Variants in ADD2 observed in about 807,000 individuals in gnomAD.
ADD2 encodes adducin 2, also known as beta-adducin.
Under a neutral mutation model 83.0 loss-of-function variants are expected in ADD2, and 23 were observed. The observed-to-expected ratio is 0.28, with a 90% CI of 0.20 to 0.39. ADD2 has a LOEUF of 0.39. Ranked by LOEUF, ADD2 falls within the 10% of genes least tolerant of loss-of-function variation. The pLI is 1.00. For synonymous variants in ADD2, 375 were observed against 375.4 expected (o/e 1.00, Z 0.01); for missense variants, 758 against 944.9 (o/e 0.80, Z 2.59).
At chr2:70,755,778 C>T (rs904515545) in intron 1 of ADD2, among the ~76,000 whole-genome samples, 3 of 152,172 alleles carry the variant, frequency 2.0e-5, no homozygotes, top group Non-Finnish European at 2.9e-5. Context: ...AAAATGTTTA[C>T]GGCCGGGCAC....
intron 5 of ADD2, 26 bp downstream of exon 5, chr2:70,696,219 A>G (rs1553372634): frequency 6.2e-7 from 1 of 1,603,714 alleles, no homozygotes; most frequent in Admixed American, 1.7e-5. Flanking sequence ...GCAGTGCCCC[A>G]CCCAATTCCA....
intron 15 of ADD2, among the ~76,000 whole-genome samples, chr2:70,668,163 C>T (rs1329879134): frequency 6.6e-6 from 1 of 152,200 alleles, no homozygotes; most frequent in Non-Finnish European, 1.5e-5. Context: ...AGCCTGGAGA[C>T]AACATACTCT....
At chr2:70,704,529 A>T in intron 3 of ADD2, 70 bp from the exon 4 acceptor site, 1 of 1,588,686 alleles carries the variant, frequency 6.3e-7, no homozygotes, top group Admixed American at 1.7e-5. Flanking sequence ...GAGCTCTTCC[A>T]AGTGCCCACC....
In ADD2 at chr2:70,768,089, C is replaced by A. The variant is rs1217819196; in HGVS notation, c.-357G>T. On this transcript the variant is annotated 5_prime_UTR_variant, in exon 1 of 16. Coordinates refer to ENST00000264436, the MANE Select transcript of ADD2 (RefSeq NM_001617.4). ...AGCGGCTCCGCGGCGGCGGGGATGA[C>A]TGGCCACCGACGCCGCAGTTCCTTG... 9.1e-6 allele frequency: 9 copies of A among 991,092 alleles called. No individual in the cohort carries two copies. Among genetic ancestry groups the A allele is most frequent in the South Asian group, 1.7e-5 (1 of 60,176 alleles). 61.4% of individuals were successfully genotyped at this position (991,092 alleles called of 1,614,324 possible). A position where few individuals can be genotyped will look rare whatever the true frequency, so the allele number is the denominator to read the frequency against.
At chr2:70,719,426 C>T (rs1208939517) in intron 1 of ADD2, among the ~76,000 whole-genome samples, 1 of 152,158 alleles carries the variant, frequency 6.6e-6, no homozygotes, top group Non-Finnish European at 1.5e-5. Flanking sequence ...TCATGAAGGT[C>T]ACCAGGGGGT....
At chr2:70,692,283 T>A (rs1384296218) in intron 7 of ADD2, 120 bp downstream of exon 7, 6 of 1,189,272 alleles carry the variant, frequency 5.0e-6, no homozygotes, top group Non-Finnish European at 6.7e-6. Flanking sequence ...ACGTTGGGAG[T>A]TCTCTCGCTT....
intron 2 of ADD2, among the ~76,000 whole-genome samples, chr2:70,710,967 G>A (rs144504856): frequency 1.4e-3 from 215 of 152,210 alleles, no homozygotes; most frequent in African/African-American, 4.9e-3. Flanking sequence ...ATTATAAACA[G>A]GTGCACACTA....
At chr2:70,752,411 GTGA>G (rs1313351217) in intron 1 of ADD2, among the ~76,000 whole-genome samples, 1 of 152,146 alleles carries the variant, frequency 6.6e-6, no homozygotes, top group African/African-American at 2.4e-5. Context: ...CAGGGTTATT[GTGA>G]TGATTAGACT....
intron 1 of ADD2, among the ~76,000 whole-genome samples, chr2:70,720,482 C>T (rs1672681321): frequency 6.6e-6 from 1 of 152,202 alleles, no homozygotes. Flanking sequence ...GTCCACTCCT[C>T]TCCCCGATGA....
Position 70,674,733 on chromosome 2 carries a change from G to C in ADD2, c.1686C>G (p.Asp562Glu), listed in dbSNP as rs559959816. ...TVPNPFSQLT[D>E]QELEEYKKEV... is the part of the protein sequence containing the mutation. ...CTTTCTTGTACTCCTCCAACTCCTG[G>C]TCAGTGAGTTGGCTGAAGGGGTTGG... Residue 562 changes from aspartate (D) to glutamate (E), a missense_variant, in exon 14 of 16, where the codon GAC (aspartate) becomes GAG (glutamate). Transcript: ENST00000264436. The C allele has an allele frequency of 1.6e-5, 26 of 1,614,048 alleles. No individual in the cohort carries two copies. In the Admixed American group the frequency reaches 4.2e-4, roughly 26 times the overall value.
In ADD2 at chr2:70,657,707, G is replaced by A. The variant is rs1354274077; in HGVS notation, c.*5718C>T. On this transcript the variant is annotated 3_prime_UTR_variant, in exon 16 of 16. Coordinates refer to ENST00000264436, the MANE Select transcript of ADD2 (RefSeq NM_001617.4). ...TAAACATTATACAAGATAATTTGCTGGGGGAGAGAAGAGTTTAGGGTCTTT... is the reference window on the plus strand; with the variant it reads ...TAAACATTATACAAGATAATTTGCTAGGGGAGAGAAGAGTTTAGGGTCTTT... 6.6e-6 allele frequency: 1 copy of A among 152,084 alleles called. No individual in the cohort carries two copies. Among genetic ancestry groups the A allele is most frequent in the Non-Finnish European group, 1.5e-5 (1 of 68,040 alleles). The allele number at this position is 152,084 out of a possible 1,614,324, so 9.4% of individuals were successfully genotyped here.
At chr2:70,714,735 G>T (rs1266337919) in intron 1 of ADD2, among the ~76,000 whole-genome samples, 1 of 152,190 alleles carries the variant, frequency 6.6e-6, no homozygotes, top group Non-Finnish European at 1.5e-5. Flanking sequence ...GTTTGCTGAT[G>T]TATCTCCACT....
At chr2:70,726,968 T>C (rs1673036687) in intron 1 of ADD2, among the ~76,000 whole-genome samples, 1 of 152,204 alleles carries the variant, frequency 6.6e-6, no homozygotes, top group African/African-American at 2.4e-5. Flanking sequence ...CAGGGTTATA[T>C]TTCAAAATGC....
chr2:70,750,467 A>AG (rs1674454077), intron 1 of ADD2, among the ~76,000 whole-genome samples: 1 of 152,208 alleles, frequency 6.6e-6, no homozygotes, highest in Admixed American at 6.5e-5. Flanking sequence ...TCCAATGGTC[A>AG]GCATCCTTAT....
At chr2:70,674,632 C>A in intron 14 of ADD2, 46 bp downstream of exon 14, 1 of 1,587,140 alleles carries the variant, frequency 6.3e-7, no homozygotes. Context: ...CTCTCCCCTC[C>A]ACCCTGGGGG....
intron 1 of ADD2, among the ~76,000 whole-genome samples, chr2:70,748,490 C>A (rs1674343968): frequency 6.6e-6 from 1 of 152,068 alleles, no homozygotes; most frequent in Admixed American, 6.5e-5. Flanking sequence ...GCTTCTCCTG[C>A]CACAATAGGC....
intron 1 of ADD2, among the ~76,000 whole-genome samples, chr2:70,734,749 T>C (rs141409334): frequency 2.0e-4 from 31 of 152,202 alleles, no homozygotes; most frequent in African/African-American, 7.0e-4. Context: ...AAAACAACCA[T>C]GTGCTTAATT....
chr2:70,705,100 C>T (rs1329894691), intron 3 of ADD2, among the ~76,000 whole-genome samples: 5 of 152,134 alleles, frequency 3.3e-5, no homozygotes, highest in Admixed American at 2.6e-4. Flanking sequence ...CCTCCTCCAA[C>T]CCCTATTTAC....
intron 1 of ADD2, among the ~76,000 whole-genome samples, chr2:70,736,160 GAGGGT>G (rs1314323422): frequency 2.1e-4 from 32 of 152,160 alleles, no homozygotes; most frequent in African/African-American, 6.8e-4. Flanking sequence ...CAATCAGATA[GAGGGT>G]ATGACCTGTC....
Sources: allele counts gnomAD v4.1 joint callset (sites outside exome capture counted in the v4.1 genomes callset), GRCh38; gene constraint gnomAD v4.1.1; transcripts MANE v1.5; gene names NCBI Gene and HGNC (gene_info 2026-07-23, HGNC 2026-07-21).